The following FBXL4 variants were observed in gnomAD, a reference collection of about 807,000 sequenced individuals.
FBXL4 encodes the protein F-box/LRR-repeat protein 4.
FBXL4 carries 40 observed loss-of-function variants against 58.9 expected under a neutral mutation model. The observed-to-expected ratio is 0.68, with a 90% CI of 0.53 to 0.88. The LOEUF is 0.88. Ranked by LOEUF, FBXL4 falls within the 40% of genes least tolerant of loss-of-function variation. The pLI is 0.00. For missense variants in FBXL4, 676 were observed against 734.4 expected (o/e 0.92, Z 0.92); for synonymous variants, 263 against 265.5 (o/e 0.99, Z 0.09).
At chr6:98,922,956 A>G (rs1317191037) in intron 4 of FBXL4, among the ~76,000 whole-genome samples, 1 of 152,190 alleles carries the variant, frequency 6.6e-6, no homozygotes, top group African/African-American at 2.4e-5. Flanking sequence ...CTCCATTCAC[A>G]TGCACATCCC....
rs924563584 is a variant in FBXL4 at position 98,896,730 on chromosome 6, C to T, written c.1317+2538G>A. ...ATAAAAAAAATTTAATAGGAAGTAA[C>T]AGAGGGTACAACCTAAATTTTATTT... On this transcript the variant is annotated intron_variant, in intron 7 of 9. Transcript: ENST00000369244. The T allele has an allele frequency of 4.5e-6, 4 of 884,044 alleles. No homozygotes were observed. The African/African-American group carries it at 7.3e-5, about 16-fold the overall frequency. 54.8% of individuals were successfully genotyped at this position (884,044 alleles called of 1,614,324 possible).
intron 7 of FBXL4, among the ~76,000 whole-genome samples, chr6:98,886,969 C>T (rs1343426177): frequency 2.0e-5 from 3 of 152,112 alleles, no homozygotes; most frequent in African/African-American, 7.2e-5. Flanking sequence ...AAGAGTAAGG[C>T]CAGGTGTGGT....
Position 98,926,937 on chromosome 6 carries a change from A to T in FBXL4, c.52T>A (p.Cys18Ser). ...LTVLTMFYYI[C>S]LRRRARTATR... ...GCTGTCCTGGCTCGGCGCCGAAGGC[A>T]TATATAATAAAACATGGTCAGAACT... is the stretch of plus-strand genomic sequence containing the variant. Residue 18 changes from cysteine (C) to serine (S), a missense_variant, in exon 4 of 10, where the codon TGC becomes AGC. Transcript: ENST00000369244. 1 of 1,614,192 alleles carries T rather than the reference A, an allele frequency of 6.2e-7. No homozygotes were observed. The highest frequency in any genetic ancestry group is 1.1e-5 in the South Asian group (1 of 91,088).
At chr6:98,898,417 G>T in intron 7 of FBXL4, 3 of 985,176 alleles carry the variant, frequency 3.0e-6, no homozygotes, top group Non-Finnish European at 2.4e-6. Flanking sequence ...CCATGCACAG[G>T]CTCATGGTGA....
chr6:98,875,784 T>C lies in FBXL4; in HGVS notation c.1390-57A>G, dbSNP rs1022022896. On this transcript the variant is annotated intron_variant, in intron 8 of 9. Coordinates refer to ENST00000369244, the MANE Select transcript of FBXL4 (RefSeq NM_001278716.2). The stretch of plus-strand genomic sequence containing the variant: ...GTTATGCTCAGACATGCAAACTGTT[T>C]AGAGTAAGTCAGATTCTTAATTATA... 16 of 1,516,538 alleles carry C rather than the reference T, an allele frequency of 1.1e-5. No homozygotes were observed. In the Admixed American group the frequency reaches 2.8e-4, roughly 26 times the overall value. The allele number at this position is 1,516,538 out of a possible 1,614,324, so 93.9% of individuals were successfully genotyped here.
At position 98,873,118 on chromosome 6, in the gene FBXL4, G is replaced by C. The variant is rs1455729128; in HGVS notation, c.*1160C>G. The C allele has an allele frequency of 6.6e-6, 1 of 151,412 alleles. No homozygotes were observed. Among genetic ancestry groups the C allele is most frequent in the Non-Finnish European group, 1.5e-5 (1 of 67,888 alleles). The allele number at this position is 151,412 out of a possible 1,614,324, so 9.4% of individuals were successfully genotyped here. A position where few individuals can be genotyped will look rare whatever the true frequency, so the allele number is the denominator to read the frequency against. On this transcript the variant is annotated 3_prime_UTR_variant, in exon 10 of 10. Coordinates refer to ENST00000369244, the MANE Select transcript of FBXL4 (RefSeq NM_001278716.2). ...GAACACAAAACTAATATTAACTGTAGTATAACAAAATTCATTGTCCTGTTA... is the reference window on the plus strand; with the variant it reads ...GAACACAAAACTAATATTAACTGTACTATAACAAAATTCATTGTCCTGTTA...
At chr6:98,937,901 C>T (rs890250558) in intron 1 of FBXL4, among the ~76,000 whole-genome samples, 2 of 152,110 alleles carry the variant, frequency 1.3e-5, no homozygotes, top group African/African-American at 4.8e-5. Flanking sequence ...ATGTCTTCTT[C>T]CTCGTCATCT....
rs1411283132 is a variant in FBXL4 at position 98,870,757 on chromosome 6, T to C, written c.*3521A>G. ...TTAGATGTCAGAGTATGATGTTTAA[T>C]ATGCAATGTCATTATAGCTGTTCTT... On this transcript the variant is annotated 3_prime_UTR_variant, in exon 10 of 10. Coordinates refer to ENST00000369244, the MANE Select transcript of FBXL4 (RefSeq NM_001278716.2). 6.6e-6 allele frequency: 1 copy of C among 152,200 alleles called. No individual in the cohort carries two copies. Among genetic ancestry groups the C allele is most frequent in the Non-Finnish European group, 1.5e-5 (1 of 68,032 alleles). 9.4% of individuals were successfully genotyped at this position (152,200 alleles called of 1,614,324 possible).
chr6:98,892,438 GC>G (rs1408667176), intron 7 of FBXL4, among the ~76,000 whole-genome samples: 2 of 152,158 alleles, frequency 1.3e-5, no homozygotes, highest in Non-Finnish European at 2.9e-5. Flanking sequence ...GACTTTGTTA[GC>G]TGCAATGGCT....
chr6:98,906,986 T>C (rs964579573), intron 5 of FBXL4, among the ~76,000 whole-genome samples: 17 of 152,260 alleles, frequency 1.1e-4, no homozygotes, highest in African/African-American at 4.1e-4. Context: ...GCAGTGTCTG[T>C]TCATATTCTT....
chr6:98,882,087 G>C (rs1436794395), intron 7 of FBXL4, among the ~76,000 whole-genome samples: 1 of 151,948 alleles, frequency 6.6e-6, no homozygotes, highest in Non-Finnish European at 1.5e-5. Flanking sequence ...CATACATAGA[G>C]ATAAATACAC....
At chr6:98,881,154 A>T (rs1770839015) in intron 7 of FBXL4, among the ~76,000 whole-genome samples, 1 of 152,148 alleles carries the variant, frequency 6.6e-6, no homozygotes. Flanking sequence ...TTTGCTGACA[A>T]GGATACCAAC....
At chr6:98,874,504 G>A in intron 9 of FBXL4, 63 bp from the exon 10 acceptor site, 1 of 1,475,790 alleles carries the variant, frequency 6.8e-7, no homozygotes, top group Non-Finnish European at 9.1e-7. Context: ...TATATAATGT[G>A]CTAACAATGA....
intron 2 of FBXL4, among the ~76,000 whole-genome samples, chr6:98,931,804 T>C (rs1285047537): frequency 2.6e-5 from 4 of 152,334 alleles, no homozygotes; most frequent in African/African-American, 9.6e-5. Context: ...TCTCTCTACT[T>C]TTCCCTGGGA....
chr6:98,889,678 C>CA (rs34182678), intron 7 of FBXL4, among the ~76,000 whole-genome samples: 13,269 of 71,762 alleles, frequency 0.18, 1,217 homozygotes, highest in East Asian at 0.56. Context: ...CACCCTGTCT[C>CA]AAAAAAAAAA....
At position 98,869,191 on chromosome 6, in the gene FBXL4, G is replaced by T. The variant is rs1770429589; in HGVS notation, c.*5087C>A. On this transcript the variant is annotated 3_prime_UTR_variant, in exon 10 of 10. Transcript: ENST00000369244. ...TAAGGGTAGTTAAAAAAGTTTCTCTGAAGTATCAATATCAAATGTGCTAAA... is the reference window on the plus strand; with the variant it reads ...TAAGGGTAGTTAAAAAAGTTTCTCTTAAGTATCAATATCAAATGTGCTAAA... The T allele has an allele frequency of 6.6e-6, 1 of 152,190 alleles. No individual in the cohort carries two copies. Among genetic ancestry groups the T allele is most frequent in the Admixed American group, 6.5e-5 (1 of 15,278 alleles). 9.4% of individuals were successfully genotyped at this position (152,190 alleles called of 1,614,324 possible).
chr6:98,947,855 G>C lies in FBXL4; in HGVS notation c.-358C>G, dbSNP rs994353074. ...CGCCGCGGGCTTCACCAGCGACCAGGCAGCGCGAGAAGGCCTGGGTGCGGG... is the reference window on the plus strand; with the variant it reads ...CGCCGCGGGCTTCACCAGCGACCAGCCAGCGCGAGAAGGCCTGGGTGCGGG... On this transcript the variant is annotated 5_prime_UTR_variant, in exon 1 of 10. Transcript: ENST00000369244. 2 of 152,042 alleles carry C rather than the reference G, an allele frequency of 1.3e-5. No homozygotes were observed. Among genetic ancestry groups the C allele is most frequent in the Non-Finnish European group, 1.5e-5 (1 of 68,064 alleles). The allele number at this position is 152,042 out of a possible 1,614,324, so 9.4% of individuals were successfully genotyped here.
intron 5 of FBXL4, among the ~76,000 whole-genome samples, chr6:98,912,850 C>G (rs1170874882): frequency 6.6e-6 from 1 of 151,820 alleles, no homozygotes; most frequent in African/African-American, 2.4e-5. Context: ...TATAAATGGA[C>G]TAAATGCTCC....
At chr6:98,891,179 GGA>G (rs1771213572) in intron 7 of FBXL4, among the ~76,000 whole-genome samples, 1 of 152,060 alleles carries the variant, frequency 6.6e-6, no homozygotes, top group Non-Finnish European at 1.5e-5. Context: ...ACATTGTGGT[GGA>G]GAGTTAGAAT....
Sources: allele counts gnomAD v4.1 joint callset (sites outside exome capture counted in the v4.1 genomes callset), GRCh38; gene constraint gnomAD v4.1.1; transcripts MANE v1.5; gene names NCBI Gene and HGNC (gene_info 2026-07-23, HGNC 2026-07-21).